Variants in CHCHD6 observed in about 807,000 individuals in gnomAD.
CHCHD6 encodes the protein coiled-coil-helix-coiled-coil-helix domain containing 6, also known as MICOS complex subunit MIC25.
Under a neutral mutation model 32.3 loss-of-function variants are expected in CHCHD6, and 28 were observed. That is an observed-to-expected ratio of 0.87 (90% CI 0.64 to 1.19). The LOEUF is 1.19. Among genes scored for constraint, CHCHD6 ranks in the 50% most tolerant of loss-of-function variants. The probability of loss-of-function intolerance (pLI) is 0.00; values close to 1 mark genes in which losing one functional copy is unlikely to be tolerated. For synonymous variants in CHCHD6, 122 were observed against 117.5 expected, an observed-to-expected ratio of 1.04 and a Z score of -0.25; for missense variants, 333 against 307.0, an observed-to-expected ratio of 1.08 and a Z score of -0.63.
chr3:126,873,088 G>A (rs920022948), intron 5 of CHCHD6, among the ~76,000 whole-genome samples: 12 of 152,304 alleles, frequency 7.9e-5, no homozygotes, highest in Non-Finnish European at 1.5e-4. Flanking sequence ...GTGAACACTT[G>A]TATGTTTCCA....
At chr3:126,778,330 T>C (rs1428899373) in intron 4 of CHCHD6, among the ~76,000 whole-genome samples, 2 of 152,246 alleles carry the variant, frequency 1.3e-5, no homozygotes, top group African/African-American at 4.8e-5. Context: ...TGTTTAACTT[T>C]CTGAGGAATG....
intron 4 of CHCHD6, among the ~76,000 whole-genome samples, chr3:126,825,212 T>C (rs77257181): frequency 3.3e-5 from 5 of 152,308 alleles, no homozygotes; most frequent in African/African-American, 1.2e-4. Flanking sequence ...GTGGGGACTT[T>C]TATAGTTACA....
intron 4 of CHCHD6, among the ~76,000 whole-genome samples, chr3:126,821,802 G>T (rs187183586): frequency 4.0e-5 from 6 of 151,338 alleles, no homozygotes; most frequent in Admixed American, 3.9e-4. Flanking sequence ...TTGTGGTTTT[G>T]ATTTGCATTT....
At chr3:126,870,327 C>T (rs1375316884) in intron 5 of CHCHD6, among the ~76,000 whole-genome samples, 1 of 152,218 alleles carries the variant, frequency 6.6e-6, no homozygotes, top group Non-Finnish European at 1.5e-5. Flanking sequence ...CTTCTACTCC[C>T]ACCCTGTGGA....
At chr3:126,746,693 G>A (rs1162124265) in intron 4 of CHCHD6, among the ~76,000 whole-genome samples, 1 of 152,226 alleles carries the variant, frequency 6.6e-6, no homozygotes, top group African/African-American at 2.4e-5. Context: ...GGAATTTCAA[G>A]CAGCCGCGAG....
intron 4 of CHCHD6, among the ~76,000 whole-genome samples, chr3:126,815,809 G>A (rs1939871942): frequency 6.6e-6 from 1 of 152,156 alleles, no homozygotes; most frequent in Non-Finnish European, 1.5e-5. Flanking sequence ...GTCTGACCTA[G>A]CAGTCAAGGT....
chr3:126,879,269 G>A (rs2077577808), intron 5 of CHCHD6, among the ~76,000 whole-genome samples: 1 of 152,176 alleles, frequency 6.6e-6, no homozygotes, highest in Non-Finnish European at 1.5e-5. Flanking sequence ...GGTGGGATGA[G>A]GCATCATGTC....
chr3:126,854,114 C>T (rs1341607646), intron 5 of CHCHD6, among the ~76,000 whole-genome samples: 3 of 152,192 alleles, frequency 2.0e-5, no homozygotes, highest in Non-Finnish European at 2.9e-5. Context: ...TCTCCCCTCT[C>T]ATCTCTACCC....
At chr3:126,795,201 G>T (rs1168834710) in intron 4 of CHCHD6, among the ~76,000 whole-genome samples, 1 of 152,164 alleles carries the variant, frequency 6.6e-6, no homozygotes, top group Admixed American at 6.5e-5. Flanking sequence ...CTCTGGTAGA[G>T]ACATGCAGAC....
intron 4 of CHCHD6, among the ~76,000 whole-genome samples, chr3:126,744,698 T>C (rs1325390857): frequency 6.6e-6 from 1 of 152,150 alleles, no homozygotes; most frequent in African/African-American, 2.4e-5. Flanking sequence ...TATTTTTTTT[T>C]TCTCCCCGAG....
intron 5 of CHCHD6, among the ~76,000 whole-genome samples, chr3:126,889,148 T>G (rs1576558764): frequency 6.6e-6 from 1 of 151,978 alleles, no homozygotes; most frequent in Non-Finnish European, 1.5e-5. Flanking sequence ...GGTGTCGGGG[T>G]GGACTAGAAG....
At chr3:126,827,075 A>G (rs530128483) in intron 4 of CHCHD6, among the ~76,000 whole-genome samples, 1 of 152,292 alleles carries the variant, frequency 6.6e-6, no homozygotes, top group Admixed American at 6.5e-5. Context: ...GAGAGCAAGA[A>G]TTTGGCATGT....
At chr3:126,852,512 T>C (rs1941507573) in intron 4 of CHCHD6, 135 bp from the exon 5 acceptor site, 3 of 641,870 alleles carry the variant, frequency 4.7e-6, no homozygotes, top group South Asian at 1.7e-5. Flanking sequence ...ATCTGGCATA[T>C]CATAAGGTTT....
At chr3:126,861,365 A>T (rs1941855682) in intron 5 of CHCHD6, among the ~76,000 whole-genome samples, 7 of 151,988 alleles carry the variant, frequency 4.6e-5, no homozygotes, top group Admixed American at 4.6e-4. Context: ...TTTACTCCTT[A>T]CTGAACTTCA....
At chr3:126,795,530 A>G (rs958484188) in intron 4 of CHCHD6, among the ~76,000 whole-genome samples, 11 of 152,218 alleles carry the variant, frequency 7.2e-5, no homozygotes, top group African/African-American at 2.4e-4. Flanking sequence ...ATAACCCAGA[A>G]GCAGAAGATT....
At chr3:126,717,841 C>T (rs114405882) in intron 1 of CHCHD6, among the ~76,000 whole-genome samples, 3,665 of 152,212 alleles carry the variant, frequency 0.024, 135 homozygotes, top group African/African-American at 0.078. Flanking sequence ...TTGACTCAGA[C>T]TGTCTGTGGG....
rs1935571422 is a variant in CHCHD6, at chr3:126,727,145, C to T, written c.155C>T (p.Thr52Ile). The T allele has an allele frequency of 6.2e-7, 1 of 1,613,960 alleles. No individual in the cohort carries two copies. The highest frequency in any genetic ancestry group is 1.7e-5 in the Admixed American group (1 of 60,012). ...CCACCCCCTGCTCCCACATCTTCTACCTTTGGCCTTCAAGATGGCAACTTG... is the reference window on the plus strand; with the variant it reads ...CCACCCCCTGCTCCCACATCTTCTATCTTTGGCCTTCAAGATGGCAACTTG... The part of the protein sequence containing the change: ...SSPPPAPTSS[T>I]FGLQDGNLRA... Residue 52 changes from threonine (T) to isoleucine (I), a missense_variant, in exon 2 of 8, where the codon ACC (threonine) becomes ATC (isoleucine). By Grantham distance (89) the Thr-to-Ile change is moderately conservative (BLOSUM62 -1). Coordinates refer to ENST00000290913, the MANE Select transcript of CHCHD6 (RefSeq NM_032343.3).
intron 5 of CHCHD6, among the ~76,000 whole-genome samples, chr3:126,887,641 C>T (rs1576556603): frequency 6.6e-6 from 1 of 152,150 alleles, no homozygotes; most frequent in African/African-American, 2.4e-5. Context: ...CTCCTATTCC[C>T]ATCGGCCTTC....
chr3:126,776,463 T>A (rs2053820), intron 4 of CHCHD6, among the ~76,000 whole-genome samples: 1 of 151,922 alleles, frequency 6.6e-6, no homozygotes, highest in Non-Finnish European at 1.5e-5. Context: ...AAGCTAGAGA[T>A]CACCACCTGT....
Sources: allele counts gnomAD v4.1 joint callset (sites outside exome capture counted in the v4.1 genomes callset), GRCh38; gene constraint gnomAD v4.1.1; transcripts MANE v1.5; gene names NCBI Gene and HGNC (gene_info 2026-07-23, HGNC 2026-07-21).